SETD3: variants seen among roughly 807,000 people sequenced by gnomAD.
The protein encoded by SETD3 is SET domain containing 3, actin N3(tau)-histidine methyltransferase.
SETD3 carries 19 observed loss-of-function variants against 63.0 expected under a neutral mutation model. The ratio of observed to expected loss-of-function variants is 0.30; its 90% CI spans 0.21 to 0.44. The LOEUF is 0.44. SETD3 is among the 20% of genes least tolerant of loss of function. The probability of loss-of-function intolerance (pLI) is 1.00; values close to 1 mark genes in which losing one functional copy is unlikely to be tolerated. For synonymous variants in SETD3, 286 were observed against 264.1 expected (o/e 1.08, Z -0.80); for missense variants, 587 against 728.5 (o/e 0.81, Z 2.24).
At chr14:99,451,456 G>A (rs1894454566) in intron 6 of SETD3, among the ~76,000 whole-genome samples, 1 of 152,162 alleles carries the variant, frequency 6.6e-6, no homozygotes, top group South Asian at 2.1e-4. Flanking sequence ...CAACCATCAA[G>A]CTGCAGTATG....
intron 6 of SETD3, among the ~76,000 whole-genome samples, chr14:99,421,991 T>C (rs1415177782): frequency 6.6e-6 from 1 of 152,240 alleles, no homozygotes. Context: ...ATAGAGGTAT[T>C]ATAAAAGGCA....
At chr14:99,438,174 T>C (rs1442184900) in intron 6 of SETD3, among the ~76,000 whole-genome samples, 5 of 152,226 alleles carry the variant, frequency 3.3e-5, no homozygotes, top group South Asian at 2.1e-4. Context: ...TATATTTAAA[T>C]TGAAATCTGC....
At chr14:99,407,151 A>G (rs1308909723) in intron 8 of SETD3, among the ~76,000 whole-genome samples, 1 of 152,262 alleles carries the variant, frequency 6.6e-6, no homozygotes, top group African/African-American at 2.4e-5. Context: ...GCAAAATAAA[A>G]TAACTGCTGT....
chr14:99,399,137 G>C lies in SETD3; in HGVS notation c.1339-12C>G. 1 of 1,610,068 alleles carries C rather than the reference G, an allele frequency of 6.2e-7. No individual in the cohort carries two copies. Among genetic ancestry groups the C allele is most frequent in the South Asian group, 1.1e-5 (1 of 90,880 alleles). The stretch of plus-strand genomic sequence containing the variant: ...ACGGATTTATCTTCCTGGAAAACAA[G>C]AGCAAAATTAATTACAAGAAGTCTA... On this transcript the variant is annotated splice_polypyrimidine_tract_variant and intron_variant, in intron 12 of 12. Coordinates refer to ENST00000331768, the MANE Select transcript of SETD3 (RefSeq NM_032233.3).
At chr14:99,469,425 G>A (rs1483812937) in intron 1 of SETD3, among the ~76,000 whole-genome samples, 1 of 152,194 alleles carries the variant, frequency 6.6e-6, no homozygotes, top group Non-Finnish European at 1.5e-5. Flanking sequence ...TCAACAGTCA[G>A]CCTTAATAAA....
intron 1 of SETD3, among the ~76,000 whole-genome samples, chr14:99,472,855 TAAGAC>T (rs1443914198): frequency 6.6e-6 from 1 of 152,120 alleles, no homozygotes; most frequent in East Asian, 1.9e-4. Flanking sequence ...AAATAATACT[TAAGAC>T]AAAAGAAAAT....
intron 6 of SETD3, among the ~76,000 whole-genome samples, chr14:99,436,056 C>T (rs973934071): frequency 2.0e-5 from 3 of 152,056 alleles, no homozygotes; most frequent in African/African-American, 7.2e-5. Flanking sequence ...GAAGAAGTGC[C>T]AAACAAAGGG....
chr14:99,413,777 G>T, intron 7 of SETD3, 99 bp downstream of exon 7: 2 of 1,088,972 alleles, frequency 1.8e-6, no homozygotes, highest in Non-Finnish European at 2.8e-6. Flanking sequence ...AACGGTCACA[G>T]CAGGTCACTT....
chr14:99,412,844 G>A (rs775943790), intron 8 of SETD3, 107 bp downstream of exon 8: 238 of 767,536 alleles, frequency 3.1e-4, no homozygotes, highest in Non-Finnish European at 5.0e-4. Flanking sequence ...CTTTTGGAGG[G>A]AGGCAACGGG....
intron 6 of SETD3, among the ~76,000 whole-genome samples, chr14:99,451,229 T>C (rs1442585481): frequency 6.6e-6 from 1 of 152,218 alleles, no homozygotes; most frequent in African/African-American, 2.4e-5. Flanking sequence ...AGCTGAACTT[T>C]GGTATGTTCT....
At chr14:99,472,893 T>A (rs1595278322) in intron 1 of SETD3, among the ~76,000 whole-genome samples, 1 of 152,216 alleles carries the variant, frequency 6.6e-6, no homozygotes, top group African/African-American at 2.4e-5. Flanking sequence ...AATACAAGAT[T>A]GATACATGAA....
chr14:99,441,702 G>A (rs868817308), intron 6 of SETD3, among the ~76,000 whole-genome samples: 1 of 152,226 alleles, frequency 6.6e-6, no homozygotes, highest in African/African-American at 2.4e-5. Context: ...CACCACCAGA[G>A]GGAGTGGACT....
At chr14:99,440,422 G>T (rs540604254) in intron 6 of SETD3, among the ~76,000 whole-genome samples, 3 of 152,126 alleles carry the variant, frequency 2.0e-5, no homozygotes, top group Non-Finnish European at 4.4e-5. Context: ...TTCACTACAC[G>T]TGCGAAGTGG....
At chr14:99,480,362 C>T (rs1386857434) in intron 1 of SETD3, among the ~76,000 whole-genome samples, 1 of 151,960 alleles carries the variant, frequency 6.6e-6, no homozygotes, top group African/African-American at 2.4e-5. Context: ...GCGGGGCAAG[C>T]TCGGGGAGAG....
intron 11 of SETD3, 32 bp downstream of exon 11, chr14:99,404,193 G>A: frequency 1.3e-6 from 2 of 1,572,224 alleles, no homozygotes; most frequent in Non-Finnish European, 1.7e-6. Context: ...AAAGAAAAAA[G>A]TCAACATCTC....
intron 2 of SETD3, among the ~76,000 whole-genome samples, chr14:99,464,522 C>T (rs912529748): frequency 1.3e-5 from 2 of 152,162 alleles, no homozygotes; most frequent in Non-Finnish European, 2.9e-5. Flanking sequence ...GGGAGCTCAG[C>T]GAGGAATGGG....
chr14:99,481,902 G>C (rs1394759174), upstream of SETD3, among the ~76,000 whole-genome samples: 4 of 152,238 alleles, frequency 2.6e-5, 1 homozygote, highest in African/African-American at 9.6e-5. Context: ...GTTGTTCCAT[G>C]TCTAGGGTAC....
intron 6 of SETD3, among the ~76,000 whole-genome samples, chr14:99,446,936 C>T (rs1164587911): frequency 6.6e-6 from 1 of 151,832 alleles, no homozygotes; most frequent in Non-Finnish European, 1.5e-5. Context: ...GAGAAGACCC[C>T]AGACAGAGCC....
intron 6 of SETD3, among the ~76,000 whole-genome samples, chr14:99,434,958 T>C (rs1170128465): frequency 1.4e-5 from 2 of 147,694 alleles, no homozygotes; most frequent in Non-Finnish European, 3.0e-5. Flanking sequence ...GACAGAAAAC[T>C]CCCCAAACTG....
Sources: allele counts gnomAD v4.1 joint callset (sites outside exome capture counted in the v4.1 genomes callset), GRCh38; gene constraint gnomAD v4.1.1; transcripts MANE v1.5; gene names NCBI Gene and HGNC (gene_info 2026-07-23, HGNC 2026-07-21).